The following ANKRD12 variants were observed in gnomAD, a reference collection of about 807,000 sequenced individuals.
ANKRD12 encodes the protein ankyrin repeat domain 12.
A neutral mutation model predicts 183.4 loss-of-function variants in ANKRD12; 85 were observed. The ratio of observed to expected loss-of-function variants is 0.46; its 90% CI spans 0.39 to 0.56. The LOEUF (loss-of-function observed/expected upper bound fraction) is 0.56. ANKRD12 is among the 20% of genes least tolerant of loss of function. The probability of loss-of-function intolerance (pLI) is 0.00; values close to 1 mark genes in which losing one functional copy is unlikely to be tolerated. For synonymous variants in ANKRD12, 914 were observed against 800.2 expected (o/e 1.14, Z -2.40); for missense variants, 2,405 against 2,357.1 (o/e 1.02, Z -0.42).
In ANKRD12 at chr18:9,258,760, G is replaced by C. The variant is rs367748080; in HGVS notation, c.5493G>C (p.Glu1831Asp). The C allele has an allele frequency of 3.1e-6, 5 of 1,613,726 alleles. No individual in the cohort carries two copies. The African/African-American group carries it at 6.7e-5, about 22-fold the overall frequency. The stretch of plus-strand genomic sequence containing the variant: ...ATGAGATTCAGCCATACAGTTCAGA[G>C]AGAGCAAATCCATATTTTGAATACT... ...KLDEIQPYSS[E>D]RANPYFEYLH... is the part of the protein sequence containing the mutation. The change falls in exon 9 of 13, where the codon GAG becomes GAC. Residue 1831 changes from glutamate (E) to aspartate (D), a missense_variant. By Grantham distance (45) the Glu-to-Asp change is conservative. Coordinates refer to ENST00000262126, the MANE Select transcript of ANKRD12 (RefSeq NM_015208.5).
chr18:9,277,476 C>T (rs1417670692), intron 11 of ANKRD12, among the ~76,000 whole-genome samples: 10 of 151,678 alleles, frequency 6.6e-5, no homozygotes, highest in African/African-American at 2.2e-4. Context: ...TACAGGCGCC[C>T]GCCACCACAC....
intron 1 of ANKRD12, among the ~76,000 whole-genome samples, chr18:9,152,716 C>T (rs116391421): frequency 0.015 from 2,224 of 152,118 alleles, 59 homozygotes; most frequent in African/African-American, 0.051. Context: ...TTTTCAAAGG[C>T]ATCCATTTGA....
At position 9,187,495 on chromosome 18, in the gene ANKRD12, G is replaced by T. The variant is rs184495216; in HGVS notation, c.87+4976G>T. 1.3e-3 allele frequency among the ~76,000 whole-genome samples: 194 copies of T among 152,192 alleles called. 1 individual carries two copies. Among genetic ancestry groups the T allele is most frequent in the Non-Finnish European group, 2.2e-3 (151 of 68,016 alleles). On this transcript the variant is annotated intron_variant, in intron 2 of 12. Coordinates refer to ENST00000262126, the MANE Select transcript of ANKRD12 (RefSeq NM_015208.5). ...TATGACAGAATATTGCTGTTATGAG[G>T]TCCTAAATTAATAAAATAACCTAAA... is the stretch of plus-strand genomic sequence containing the variant.
intron 1 of ANKRD12, among the ~76,000 whole-genome samples, chr18:9,145,080 A>G (rs72935251): frequency 0.063 from 9,613 of 152,218 alleles, 333 homozygotes; most frequent in Non-Finnish European, 0.079. Flanking sequence ...TGAATTTTCC[A>G]GTTTTACCAC....
chr18:9,259,011 GT>G (rs1362265341), intron 9 of ANKRD12, 80 bp downstream of exon 9: 9 of 1,433,944 alleles, frequency 6.3e-6, no homozygotes, highest in Non-Finnish European at 8.3e-6. Context: ...GTAATTTGAA[GT>G]TTTCTAGTAG....
At chr18:9,145,306 T>TG (rs1161064272) in intron 1 of ANKRD12, among the ~76,000 whole-genome samples, 1 of 152,192 alleles carries the variant, frequency 6.6e-6, no homozygotes, top group Non-Finnish European at 1.5e-5. Context: ...AGTGAAGTTT[T>TG]AAACATTTAC....
chr18:9,220,241 T>A (rs965422467), intron 7 of ANKRD12, among the ~76,000 whole-genome samples: 2 of 152,234 alleles, frequency 1.3e-5, no homozygotes, highest in African/African-American at 4.8e-5. Flanking sequence ...TTCATTTAAG[T>A]ATTTTTTAAG....
At chr18:9,182,680 G>A (rs949261537) in intron 2 of ANKRD12, among the ~76,000 whole-genome samples, 161 bp downstream of exon 2, 3 of 152,148 alleles carry the variant, frequency 2.0e-5, no homozygotes, top group African/African-American at 7.2e-5. Context: ...CTGGGGAAGT[G>A]ATTGTTTATC....
chr18:9,261,898 C>T (rs935626678), intron 9 of ANKRD12, among the ~76,000 whole-genome samples: 1 of 152,168 alleles, frequency 6.6e-6, no homozygotes. Flanking sequence ...CTCTACATTC[C>T]TTGAAATAAC....
rs2033762348 is a variant in ANKRD12, at chr18:9,182,371, A to G, written c.-51-11A>G. On this transcript the variant is annotated splice_polypyrimidine_tract_variant and intron_variant, in intron 1 of 12. Transcript: ENST00000262126. ...ATATTCAAATAACCCTTATATATCT[A>G]TTCTTTACAGATCCAGGATGAGAAG... The G allele has an allele frequency of 1.5e-5, 17 of 1,122,534 alleles. No homozygotes were observed. The South Asian group carries it at 2.1e-4, about 14-fold the overall frequency. The allele number at this position is 1,122,534 out of a possible 1,614,324, so 69.5% of individuals were successfully genotyped here. A position where few individuals can be genotyped will look rare whatever the true frequency, so the allele number is the denominator to read the frequency against.
chr18:9,246,225 T>C (rs1175358247), intron 8 of ANKRD12, among the ~76,000 whole-genome samples: 1 of 152,238 alleles, frequency 6.6e-6, no homozygotes, highest in African/African-American at 2.4e-5. Context: ...GTTGATATTA[T>C]TGTATCCCTC....
intron 1 of ANKRD12, among the ~76,000 whole-genome samples, chr18:9,179,359 T>C (rs1271928980): frequency 1.3e-5 from 2 of 152,190 alleles, no homozygotes; most frequent in Non-Finnish European, 2.9e-5. Context: ...TTGTTGATCT[T>C]AGAAGAGAAA....
At chr18:9,179,125 A>G (rs1256907214) in intron 1 of ANKRD12, among the ~76,000 whole-genome samples, 1 of 152,192 alleles carries the variant, frequency 6.6e-6, no homozygotes, top group Non-Finnish European at 1.5e-5. Flanking sequence ...TTGACCATGT[A>G]TTCTATGTCC....
chr18:9,230,295 T>G (rs2036967430), intron 8 of ANKRD12, among the ~76,000 whole-genome samples: 1 of 152,194 alleles, frequency 6.6e-6, no homozygotes, highest in African/African-American at 2.4e-5. Flanking sequence ...CTCTGGTGAT[T>G]TTCGGTATTT....
chr18:9,168,185 T>G (rs948479506), intron 1 of ANKRD12, among the ~76,000 whole-genome samples: 1 of 152,196 alleles, frequency 6.6e-6, no homozygotes, highest in African/African-American at 2.4e-5. Context: ...TTCTCTTTTT[T>G]TTGTTGTGTC....
chr18:9,188,982 G>A (rs1598495887), intron 2 of ANKRD12, among the ~76,000 whole-genome samples: 1 of 152,156 alleles, frequency 6.6e-6, no homozygotes, highest in African/African-American at 2.4e-5. Context: ...TAAGTCAAAA[G>A]CTCTAAATGA....
At chr18:9,261,824 C>T (rs1358483270) in intron 9 of ANKRD12, among the ~76,000 whole-genome samples, 2 of 152,122 alleles carry the variant, frequency 1.3e-5, no homozygotes, top group Non-Finnish European at 2.9e-5. Flanking sequence ...AGATGCAGGT[C>T]AGGTATTTGC....
At chr18:9,173,580 G>A (rs1336661500) in intron 1 of ANKRD12, among the ~76,000 whole-genome samples, 1 of 126,420 alleles carries the variant, frequency 7.9e-6, no homozygotes, top group East Asian at 2.6e-4. Flanking sequence ...ATGGCAGTCT[G>A]CTCCTTCCCT....
chr18:9,201,402 C>T (rs2035157516), intron 3 of ANKRD12, among the ~76,000 whole-genome samples: 3 of 152,188 alleles, frequency 2.0e-5, no homozygotes, highest in African/African-American at 7.2e-5. Context: ...GTGAGAGAGT[C>T]TCTTCTTGGC....
Sources: allele counts gnomAD v4.1 joint callset (sites outside exome capture counted in the v4.1 genomes callset), GRCh38; gene constraint gnomAD v4.1.1; transcripts MANE v1.5; gene names NCBI Gene and HGNC (gene_info 2026-07-23, HGNC 2026-07-21).